Variants in GABRG1 observed in about 807,000 individuals in gnomAD.
GABRG1 encodes the protein gamma-aminobutyric acid receptor subunit gamma-1.
A neutral mutation model predicts 49.8 loss-of-function variants in GABRG1; 49 were observed. The observed-to-expected ratio is 0.98, with a 90% CI of 0.78 to 1.25. GABRG1 has a LOEUF of 1.25. GABRG1 is among the 50% of genes most tolerant of loss of function. The pLI is 0.00. For synonymous variants in GABRG1, 232 were observed against 185.1 expected (o/e 1.25, Z -2.06); for missense variants, 552 against 552.3 (o/e 1.00, Z 0.01).
chr4:46,109,269 T>C (rs891285541), intron 1 of GABRG1, among the ~76,000 whole-genome samples: 4 of 151,070 alleles, frequency 2.6e-5, no homozygotes, highest in Admixed American at 6.6e-5. Flanking sequence ...TTTCCAGGAA[T>C]TTATGCATTT....
intron 2 of GABRG1, among the ~76,000 whole-genome samples, chr4:46,093,701 G>A (rs1267942700): frequency 6.6e-6 from 1 of 151,766 alleles, no homozygotes; most frequent in Non-Finnish European, 1.5e-5. Flanking sequence ...AATACCTCAT[G>A]TACCCCATAA....
chr4:46,064,353 T>C, intron 5 of GABRG1, 88 bp downstream of exon 5: 1 of 699,222 alleles, frequency 1.4e-6, no homozygotes, highest in Non-Finnish European at 2.4e-6. Context: ...CTTTTGAAAA[T>C]CCTATTTTAT....
intron 3 of GABRG1, among the ~76,000 whole-genome samples, chr4:46,078,767 A>G (rs1719453666): frequency 6.6e-6 from 1 of 152,046 alleles, no homozygotes; most frequent in Non-Finnish European, 1.5e-5. Flanking sequence ...ATTTGACCAT[A>G]GATTTTGGTC....
intron 5 of GABRG1, among the ~76,000 whole-genome samples, chr4:46,061,031 A>T (rs6842349): frequency 0.5 from 76,460 of 151,634 alleles, 19,814 homozygotes; most frequent in African/African-American, 0.62. Flanking sequence ...ATTATATGTT[A>T]GCTATTGACA....
At chr4:46,113,309 A>G (rs1720779941) in intron 1 of GABRG1, among the ~76,000 whole-genome samples, 1 of 151,096 alleles carries the variant, frequency 6.6e-6, no homozygotes, top group Non-Finnish European at 1.5e-5. Context: ...GAAGCAAGGT[A>G]CCTTCCTCAC....
chr4:46,042,888 A>C (rs1421132018), intron 8 of GABRG1, among the ~76,000 whole-genome samples: 1 of 151,978 alleles, frequency 6.6e-6, no homozygotes, highest in Non-Finnish European at 1.5e-5. Context: ...AAACTTGCTT[A>C]GCTATATCAC....
intron 1 of GABRG1, among the ~76,000 whole-genome samples, chr4:46,111,666 G>A (rs1354180055): frequency 1.3e-5 from 2 of 151,176 alleles, no homozygotes; most frequent in Non-Finnish European, 3.0e-5. Context: ...TGGAACAGAA[G>A]AGAGCCCAGA....
chr4:46,093,612 C>T (rs758853260), intron 2 of GABRG1, among the ~76,000 whole-genome samples: 1 of 151,446 alleles, frequency 6.6e-6, no homozygotes, highest in Non-Finnish European at 1.5e-5. Flanking sequence ...ATGTTCATAC[C>T]AAAAAGAAAT....
At chr4:46,070,579 T>C (rs1391174) in intron 3 of GABRG1, among the ~76,000 whole-genome samples, 86,217 of 151,680 alleles carry the variant, frequency 0.57, 25,028 homozygotes, top group African/African-American at 0.64. Context: ...AGGTACTCCA[T>C]AGAAACACAG....
chr4:46,077,645 C>G (rs1232476137), intron 3 of GABRG1, among the ~76,000 whole-genome samples: 3 of 151,828 alleles, frequency 2.0e-5, no homozygotes, highest in Non-Finnish European at 2.9e-5. Flanking sequence ...TTTCCCTTCT[C>G]TCTCAGTCTA....
chr4:46,082,007 G>T (rs1719592436), intron 3 of GABRG1, among the ~76,000 whole-genome samples: 1 of 151,818 alleles, frequency 6.6e-6, no homozygotes, highest in South Asian at 2.1e-4. Context: ...CTACTTCGTT[G>T]TGGCAACCCT....
At chr4:46,110,320 T>C (rs1720675722) in intron 1 of GABRG1, among the ~76,000 whole-genome samples, 1 of 151,074 alleles carries the variant, frequency 6.6e-6, no homozygotes, top group African/African-American at 2.4e-5. Context: ...TTATCTGATA[T>C]AACATAGTGA....
chr4:46,105,351 G>T (rs1300267883), intron 1 of GABRG1, among the ~76,000 whole-genome samples: 1 of 151,510 alleles, frequency 6.6e-6, no homozygotes, highest in East Asian at 2.0e-4. Flanking sequence ...GCAAACGTCA[G>T]TTTGCTGAGG....
At chr4:46,043,844 G>A (rs1448282677) in intron 8 of GABRG1, among the ~76,000 whole-genome samples, 1 of 151,608 alleles carries the variant, frequency 6.6e-6, no homozygotes, top group Non-Finnish European at 1.5e-5. Flanking sequence ...TCTCTGTCTA[G>A]TTATATACTA....
chr4:46,094,163 A>G (rs1167297839), intron 2 of GABRG1, among the ~76,000 whole-genome samples: 4 of 151,238 alleles, frequency 2.6e-5, no homozygotes, highest in African/African-American at 7.4e-5. Context: ...TCATCTCCCA[A>G]TATTTCCTTC....
chr4:46,094,072 G>A (rs1720092533), intron 2 of GABRG1, among the ~76,000 whole-genome samples: 1 of 151,928 alleles, frequency 6.6e-6, no homozygotes. Context: ...TACTGCATGT[G>A]ACAAAGAAGA....
chr4:46,058,346 A>C lies in GABRG1; in HGVS notation c.787T>G (p.Phe263Val). Residue 263 changes from phenylalanine (F) to valine (V), a missense_variant, in exon 7 of 9, where the codon TTT becomes GTT. By Grantham distance (50) the Phe-to-Val change is conservative (BLOSUM62 -1). Coordinates refer to ENST00000295452, the MANE Select transcript of GABRG1 (RefSeq NM_173536.4). ...ISGDYVIMTI[F>V]FDLSRRMGYF... Reference sequence around the variant, plus strand: ...CCCATTCTTCTGCTCAGGTCAAAAAAAATTGTCATGATAACATAATCCCCT... The same window carrying C: ...CCCATTCTTCTGCTCAGGTCAAAAACAATTGTCATGATAACATAATCCCCT... The C allele has an allele frequency of 6.2e-7, 1 of 1,611,846 alleles. No individual in the cohort carries two copies. The highest frequency in any genetic ancestry group is 8.5e-7 in the Non-Finnish European group (1 of 1,179,132).
At chr4:46,063,500 C>T (rs566319971) in intron 5 of GABRG1, among the ~76,000 whole-genome samples, 1 of 152,200 alleles carries the variant, frequency 6.6e-6, no homozygotes, top group South Asian at 2.1e-4. Flanking sequence ...AAAGGTGAAA[C>T]TGGATCCCTT....
intron 1 of GABRG1, 97 bp from the exon 2 acceptor site, chr4:46,097,446 T>A (rs1720217256): frequency 3.4e-6 from 4 of 1,188,212 alleles, no homozygotes; most frequent in Admixed American, 2.6e-5. Flanking sequence ...AAGAAAGTAA[T>A]AATGGCAGAC....
Sources: allele counts gnomAD v4.1 joint callset (sites outside exome capture counted in the v4.1 genomes callset), GRCh38; gene constraint gnomAD v4.1.1; transcripts MANE v1.5; gene names NCBI Gene and HGNC (gene_info 2026-07-23, HGNC 2026-07-21).